Variants in RABEP1 observed in about 807,000 individuals in gnomAD.
The protein encoded by RABEP1 is rabaptin, RAB GTPase binding effector protein 1, also known as rab GTPase-binding effector protein 1.
Under a neutral mutation model 123.4 loss-of-function variants are expected in RABEP1, and 51 were observed. The ratio of observed to expected loss-of-function variants is 0.41; its 90% CI spans 0.33 to 0.52. The LOEUF (loss-of-function observed/expected upper bound fraction) is 0.52. Among genes scored for constraint, RABEP1 ranks in the 20% least tolerant of loss-of-function variants. The probability of loss-of-function intolerance (pLI) is 0.16; values close to 1 mark genes in which losing one functional copy is unlikely to be tolerated. For missense variants in RABEP1, 888 were observed against 996.3 expected (o/e 0.89, Z 1.46); for synonymous variants, 347 against 355.2 (o/e 0.98, Z 0.26).
intron 2 of RABEP1, among the ~76,000 whole-genome samples, chr17:5,323,977 T>C (rs1275705070): frequency 1.3e-5 from 2 of 151,276 alleles, no homozygotes; most frequent in Non-Finnish European, 2.9e-5. Context: ...TGGTCATGGA[T>C]TTAGGAGAAT....
chr17:5,288,637 C>CGG (rs2144440179), intron 1 of RABEP1, among the ~76,000 whole-genome samples: 1 of 152,282 alleles, frequency 6.6e-6, no homozygotes, highest in South Asian at 2.1e-4. Context: ...TCAGATGATG[C>CGG]ATCCGCCTTG....
chr17:5,345,973 T>C (rs1908029468), intron 5 of RABEP1, among the ~76,000 whole-genome samples: 1 of 152,220 alleles, frequency 6.6e-6, no homozygotes, highest in Non-Finnish European at 1.5e-5. Context: ...TTTTTTTGGT[T>C]ATAACTTTCC....
chr17:5,323,752 A>ATATATT (rs1462488799), intron 2 of RABEP1, among the ~76,000 whole-genome samples: 1 of 124,976 alleles, frequency 8.0e-6, no homozygotes, highest in African/African-American at 3.0e-5. Flanking sequence ...ATATATATAT[A>ATATATT]TCTAGGAATA....
At chr17:5,367,060 G>A (rs563629927) in intron 11 of RABEP1, among the ~76,000 whole-genome samples, 98 of 150,630 alleles carry the variant, frequency 6.5e-4, no homozygotes, top group African/African-American at 2.4e-3. Flanking sequence ...TTGCACTCCC[G>A]CCTGGGCAAC....
chr17:5,381,228 C>T (rs2144737428), intron 16 of RABEP1, among the ~76,000 whole-genome samples, 161 bp from the exon 17 acceptor site: 1 of 139,988 alleles, frequency 7.1e-6, no homozygotes, highest in East Asian at 2.7e-4. Flanking sequence ...TCTAGATGGC[C>T]TGCACGCTTG....
At chr17:5,368,224 G>C (rs1910243486) in intron 11 of RABEP1, 146 bp from the exon 12 acceptor site, 1 of 619,370 alleles carries the variant, frequency 1.6e-6, no homozygotes, top group Non-Finnish European at 2.8e-6. Flanking sequence ...CATAGCAGAT[G>C]TGCATGCAGC....
At position 5,385,322 on chromosome 17, in the gene RABEP1, A is replaced by G. The variant is rs757102679; in HGVS notation, c.*2099A>G. On this transcript the variant is annotated 3_prime_UTR_variant, in exon 18 of 18. Transcript: ENST00000537505. ...GCCCTTCTAGGCAAAAGAAAAGCTC[A>G]GTTGGGTTTCACGAGTGTTCCTGTG... The G allele has an allele frequency of 1.6e-4, 36 of 230,956 alleles. No individual in the cohort carries two copies. Among genetic ancestry groups the G allele is most frequent in the Non-Finnish European group, 2.6e-4 (30 of 116,720 alleles). The allele number at this position is 230,956 out of a possible 1,614,324, so 14.3% of individuals were successfully genotyped here. A position where few individuals can be genotyped will look rare whatever the true frequency, so the allele number is the denominator to read the frequency against.
At chr17:5,282,913 A>T (rs1263843427) in intron 1 of RABEP1, among the ~76,000 whole-genome samples, 1 of 152,062 alleles carries the variant, frequency 6.6e-6, no homozygotes, top group Non-Finnish European at 1.5e-5. Context: ...TAGCTTAGGT[A>T]GTGTACCCTC....
In RABEP1 at chr17:5,361,576, C is replaced by T; in HGVS notation, c.1464C>T (p.Ser488=). 6.2e-7 allele frequency: 1 copy of T among 1,614,124 alleles called. No homozygotes were observed. The highest frequency in any genetic ancestry group is 8.5e-7 in the Non-Finnish European group (1 of 1,180,016). The change falls in exon 9 of 18, where the codon TCC becomes TCT. Residue 488 remains serine (S), a synonymous_variant. Coordinates refer to ENST00000537505, the MANE Select transcript of RABEP1 (RefSeq NM_004703.6). ...AMTPEQEETA[S]LLSSVTQGME... ...CACCAGAACAAGAAGAGACAGCGTC[C>T]CTCCTCTCCAGCGTTACCCAGGGCA...
intron 8 of RABEP1, among the ~76,000 whole-genome samples, chr17:5,360,228 T>C (rs1909381265): frequency 6.6e-6 from 1 of 152,234 alleles, no homozygotes; most frequent in African/African-American, 2.4e-5. Flanking sequence ...TTTCGCATAG[T>C]ATACAACATT....
chr17:5,354,411 A>G lies in RABEP1; in HGVS notation c.1016A>G (p.Asp339Gly). The part of the protein sequence containing the change: ...LNKRKDHKKA[D>G]VEEEIKIPVV... ...AAGAGAAAGGATCACAAAAAAGCAG[A>G]TGTTGAGGAAGAAATAAAAATACCA... Residue 339 changes from aspartate (D) to glycine (G), a missense_variant, in exon 8 of 18, where the codon GAT becomes GGT. Physicochemically the swap from Asp to Gly is moderately conservative, Grantham distance 94 (BLOSUM62 -1). Transcript: ENST00000537505. 6.2e-7 allele frequency: 1 copy of G among 1,613,260 alleles called. No individual in the cohort carries two copies. The highest frequency in any genetic ancestry group is 8.5e-7 in the Non-Finnish European group (1 of 1,179,554).
chr17:5,312,989 A>G (rs1019280065), intron 2 of RABEP1, among the ~76,000 whole-genome samples: 3 of 152,124 alleles, frequency 2.0e-5, no homozygotes, highest in African/African-American at 7.2e-5. Flanking sequence ...GTGTGCCTGT[A>G]GTCCCAGCTA....
At chr17:5,378,377 G>T (rs890887393) in intron 15 of RABEP1, 145 bp downstream of exon 15, 1 of 753,414 alleles carries the variant, frequency 1.3e-6, no homozygotes, top group Non-Finnish European at 2.4e-6. Context: ...AAACCACGGG[G>T]TAAGGGTGTG....
At chr17:5,373,987 G>A (rs1311223060) in intron 13 of RABEP1, among the ~76,000 whole-genome samples, 1 of 152,066 alleles carries the variant, frequency 6.6e-6, no homozygotes, top group South Asian at 2.1e-4. Flanking sequence ...GGGTTACCAT[G>A]CTGGCTGCTT....
intron 2 of RABEP1, among the ~76,000 whole-genome samples, chr17:5,331,027 CTTTTTTTTTTTTT>C (rs1187502263): frequency 3.4e-5 from 3 of 87,050 alleles, no homozygotes; most frequent in African/African-American, 4.5e-5. Context: ...TATCTCTTAA[CTTTTTTTTTTTTT>C]TTTTTTTTTT....
At chr17:5,333,820 T>C (rs1906789334) in intron 3 of RABEP1, among the ~76,000 whole-genome samples, 1 of 152,200 alleles carries the variant, frequency 6.6e-6, no homozygotes, top group Non-Finnish European at 1.5e-5. Context: ...AGCTGAAAAA[T>C]AGCTGCTTCT....
chr17:5,288,714 A>T (rs1196867095), intron 1 of RABEP1, among the ~76,000 whole-genome samples: 4 of 133,738 alleles, frequency 3.0e-5, no homozygotes, highest in African/African-American at 1.2e-4. Flanking sequence ...TCTTTTCTTT[A>T]TTTTTTTGAG....
At chr17:5,329,937 A>G (rs1201640370) in intron 2 of RABEP1, among the ~76,000 whole-genome samples, 1 of 151,874 alleles carries the variant, frequency 6.6e-6, no homozygotes, top group Non-Finnish European at 1.5e-5. Flanking sequence ...ATTTGTTTAC[A>G]GTTTTTCTGT....
At chr17:5,380,778 A>C (rs532367124) in intron 16 of RABEP1, among the ~76,000 whole-genome samples, 1 of 152,372 alleles carries the variant, frequency 6.6e-6, no homozygotes, top group African/African-American at 2.4e-5. Flanking sequence ...CTGATGTATC[A>C]AATCCTAAGA....
Sources: gnomAD v4.1 joint callset for allele counts (sites outside exome capture counted in the v4.1 genomes callset) on GRCh38, gnomAD v4.1.1 for gene constraint, MANE v1.5 for transcripts, NCBI Gene and HGNC (gene_info 2026-07-23, HGNC 2026-07-21) for gene names.